KPNA4: variants seen among roughly 807,000 people sequenced by gnomAD.
KPNA4 encodes karyopherin subunit alpha 4.
In KPNA4, 13 loss-of-function variants were observed where a neutral mutation model predicts 71.3. That is an observed-to-expected ratio of 0.18 (90% CI 0.12 to 0.29). The LOEUF is 0.29. KPNA4 is among the 10% of genes least tolerant of loss of function. The probability of loss-of-function intolerance (pLI) is 1.00; values close to 1 mark genes in which losing one functional copy is unlikely to be tolerated. For synonymous variants in KPNA4, 189 were observed against 195.2 expected, an observed-to-expected ratio of 0.97 and a Z score of 0.26; for missense variants, 334 against 603.2, an observed-to-expected ratio of 0.55 and a Z score of 4.67.
At chr3:160,527,868 T>C (rs1351896496) in intron 8 of KPNA4, 85 bp downstream of exon 8, 2 of 1,003,608 alleles carry the variant, frequency 2.0e-6, no homozygotes, top group Non-Finnish European at 1.5e-6. Flanking sequence ...GCAAACTGTT[T>C]TCTCTTTTGG....
At chr3:160,544,943 G>C (rs907088097) in intron 1 of KPNA4, among the ~76,000 whole-genome samples, 3 of 152,086 alleles carry the variant, frequency 2.0e-5, no homozygotes, top group African/African-American at 7.2e-5. Flanking sequence ...TAGTATTATA[G>C]GATTTTGTAA....
At chr3:160,547,918 AT>A (rs988916853) in intron 1 of KPNA4, among the ~76,000 whole-genome samples, 52 of 152,328 alleles carry the variant, frequency 3.4e-4, no homozygotes, top group Admixed American at 8.5e-4. Flanking sequence ...ACTGACTAAT[AT>A]GCCATTGTCT....
intron 1 of KPNA4, 64 bp from the exon 2 acceptor site, chr3:160,536,904 C>T (rs1721704350): frequency 1.1e-6 from 1 of 934,390 alleles, no homozygotes; most frequent in African/African-American, 1.6e-5. Context: ...CAGAGAAAAC[C>T]ACTATTAACA....
At chr3:160,506,172 T>TA (rs1460917287) in intron 15 of KPNA4, among the ~76,000 whole-genome samples, 2 of 151,686 alleles carry the variant, frequency 1.3e-5, no homozygotes, top group Non-Finnish European at 2.9e-5. Context: ...TACTTTATTT[T>TA]ATTTTATTTT....
intron 1 of KPNA4, among the ~76,000 whole-genome samples, chr3:160,547,495 A>G (rs1721946945): frequency 6.6e-6 from 1 of 152,064 alleles, no homozygotes; most frequent in Non-Finnish European, 1.5e-5. Context: ...CTGCCCCCAC[A>G]CAGGCAAATC....
At chr3:160,528,767 TTC>T (rs144591509) in intron 7 of KPNA4, among the ~76,000 whole-genome samples, 7 of 152,330 alleles carry the variant, frequency 4.6e-5, no homozygotes, top group Non-Finnish European at 8.8e-5. Context: ...CAGAAAGTGA[TTC>T]TGTTACTCAA....
At chr3:160,548,847 C>A (rs751824947) in intron 1 of KPNA4, among the ~76,000 whole-genome samples, 5 of 152,128 alleles carry the variant, frequency 3.3e-5, no homozygotes, top group Non-Finnish European at 5.9e-5. Context: ...CTATTTTTCA[C>A]TTTTTGGGAA....
At chr3:160,522,712 C>T (rs1418548916) in intron 10 of KPNA4, among the ~76,000 whole-genome samples, 1 of 152,208 alleles carries the variant, frequency 6.6e-6, no homozygotes, top group Non-Finnish European at 1.5e-5. Flanking sequence ...CCCGCCTCGG[C>T]CTCCCAAAGT....
chr3:160,533,168 C>T lies in KPNA4; in HGVS notation c.288-1611G>A, dbSNP rs536779966. On this transcript the variant is annotated intron_variant, in intron 5 of 16. Transcript: ENST00000334256. ...CCTCCCAAGTAGCTGGGATTACAGG[C>T]ATGTGACACTACACCCAGCCAACTT... Among the ~76,000 whole-genome samples, 18 of 152,204 alleles carry T rather than the reference C, an allele frequency of 1.2e-4. No homozygotes were observed. In the South Asian group the frequency reaches 3.7e-3, roughly 32 times the overall value.
At chr3:160,513,661 T>C (rs1036257052) in intron 13 of KPNA4, among the ~76,000 whole-genome samples, 1 of 152,186 alleles carries the variant, frequency 6.6e-6, no homozygotes, top group Non-Finnish European at 1.5e-5. Flanking sequence ...CTATTTGATT[T>C]TGGACAATTT....
intron 14 of KPNA4, among the ~76,000 whole-genome samples, chr3:160,508,853 A>G (rs1282621028): frequency 2.0e-5 from 3 of 152,176 alleles, no homozygotes; most frequent in South Asian, 4.1e-4. Context: ...CAATGGCTCA[A>G]TGTGACAGCA....
At chr3:160,539,453 T>C (rs549722169) in intron 1 of KPNA4, among the ~76,000 whole-genome samples, 43 of 152,324 alleles carry the variant, frequency 2.8e-4, no homozygotes, top group African/African-American at 9.4e-4. Context: ...AGAAGTTAGA[T>C]TGTTTGTCCA....
At chr3:160,520,822 T>C (rs1721333603) in intron 11 of KPNA4, among the ~76,000 whole-genome samples, 1 of 152,212 alleles carries the variant, frequency 6.6e-6, no homozygotes, top group African/African-American at 2.4e-5. Flanking sequence ...ATGCGATTAT[T>C]GTACTTTACA....
chr3:160,536,654 A>C, intron 2 of KPNA4, 142 bp downstream of exon 2: 1 of 457,098 alleles, frequency 2.2e-6, no homozygotes, highest in Non-Finnish European at 3.9e-6. Context: ...AAAAAGTTTA[A>C]CTAAATTTAG....
chr3:160,564,682 G>A (rs1327912757), intron 1 of KPNA4: 2 of 152,098 alleles, frequency 1.3e-5, no homozygotes, highest in African/African-American at 2.4e-5. Context: ...TAAAGCGGGA[G>A]TCGGGAAGAC....
chr3:160,530,192 G>A lies in KPNA4; in HGVS notation c.469+663C>T, dbSNP rs191347607. 8.1e-3 allele frequency among the ~76,000 whole-genome samples: 1,212 copies of A among 150,006 alleles called. 5 individuals carry two copies. Among genetic ancestry groups the A allele is most frequent in the Middle Eastern group, 0.031 (9 of 286 alleles). On this transcript the variant is annotated intron_variant, in intron 7 of 16. Coordinates refer to ENST00000334256, the MANE Select transcript of KPNA4 (RefSeq NM_002268.5). ...ATCTCATTAAGAGAGGCTGAGGCCC[G>A]GTGTGGTGGCTCATGCCTATAATCC...
chr3:160,511,228 C>G (rs549988122), intron 13 of KPNA4, among the ~76,000 whole-genome samples: 9 of 152,238 alleles, frequency 5.9e-5, no homozygotes, highest in Admixed American at 3.3e-4. Flanking sequence ...ACCTCAGCCT[C>G]TCGAGTAGCT....
chr3:160,523,433 T>C (rs1314037532), intron 10 of KPNA4, among the ~76,000 whole-genome samples: 1 of 151,740 alleles, frequency 6.6e-6, no homozygotes, highest in Non-Finnish European at 1.5e-5. Flanking sequence ...AAAAATAAGA[T>C]AAAAAAAACC....
chr3:160,541,282 G>A (rs933470867), intron 1 of KPNA4, among the ~76,000 whole-genome samples: 2 of 152,022 alleles, frequency 1.3e-5, no homozygotes, highest in Non-Finnish European at 2.9e-5. Context: ...AAATTTTCTT[G>A]AGCAAAGTTA....
Sources: gnomAD v4.1 joint callset for allele counts (sites outside exome capture counted in the v4.1 genomes callset) on GRCh38, gnomAD v4.1.1 for gene constraint, MANE v1.5 for transcripts, NCBI Gene and HGNC (gene_info 2026-07-23, HGNC 2026-07-21) for gene names.